The following FBN2 variants were observed in gnomAD, a reference collection of about 807,000 sequenced individuals.
FBN2 encodes fibrillin-2.
In FBN2, 105 loss-of-function variants were observed where a neutral mutation model predicts 355.6. The ratio of observed to expected loss-of-function variants is 0.30; its 90% CI spans 0.25 to 0.35. FBN2 has a LOEUF of 0.35. Ranked by LOEUF, FBN2 falls within the 10% of genes least tolerant of loss-of-function variation. The pLI is 1.00. For missense variants in FBN2, 3,280 were observed against 3,758.7 expected, an observed-to-expected ratio of 0.87 and a Z score of 3.33; for synonymous variants, 1,350 against 1,301.2, an observed-to-expected ratio of 1.04 and a Z score of -0.81.
intron 50 of FBN2, 136 bp downstream of exon 50, chr5:128,290,596 A>G: frequency 2.2e-6 from 2 of 906,812 alleles, no homozygotes; most frequent in Non-Finnish European, 3.6e-6. Flanking sequence ...TAGGTTGTTC[A>G]ATGAACCATC....
In FBN2 at chr5:128,447,469, G is replaced by A. The variant is rs78602989; in HGVS notation, c.827-863C>T. Reference sequence around the variant, plus strand: ...CCGGTCTCCCTTAGTGCTCCCAGGCGTACTATGTACCAGGATGAGGAAATT... The same window carrying A: ...CCGGTCTCCCTTAGTGCTCCCAGGCATACTATGTACCAGGATGAGGAAATT... On this transcript the variant is annotated intron_variant, in intron 6 of 64. Transcript: ENST00000262464. 4.7e-4 allele frequency among the ~76,000 whole-genome samples: 71 copies of A among 152,242 alleles called. 1 individual carries two copies. The East Asian group carries it at 0.013, about 27-fold the overall frequency.
intron 7 of FBN2, among the ~76,000 whole-genome samples, chr5:128,440,586 C>A (rs1316349462): frequency 6.6e-6 from 1 of 152,158 alleles, no homozygotes; most frequent in Non-Finnish European, 1.5e-5. Context: ...GGCCCCTCTT[C>A]CAGCATTGGG....
Position 128,372,439 on chromosome 5 carries a change from G to A in FBN2, c.2095+2189C>T, listed in dbSNP as rs545586463. ...AAGAAAAATGAACAAACAAAAAATA[G>A]ATCTAAAATTAAAATGCTTATCCTA... On this transcript the variant is annotated intron_variant, in intron 15 of 64. Transcript: ENST00000262464. Among the ~76,000 whole-genome samples the A allele has an allele frequency of 4.6e-5, 7 of 152,144 alleles. No individual in the cohort carries two copies. In the South Asian group the frequency reaches 1.5e-3, roughly 32 times the overall value.
intron 8 of FBN2, among the ~76,000 whole-genome samples, chr5:128,406,651 A>G (rs1752935414): frequency 6.6e-6 from 1 of 152,170 alleles, no homozygotes; most frequent in African/African-American, 2.4e-5. Flanking sequence ...TGCGGAGCCT[A>G]TACAGCATGG....
intron 46 of FBN2, among the ~76,000 whole-genome samples, chr5:128,302,306 C>A (rs1464929066): frequency 6.6e-6 from 1 of 152,194 alleles, no homozygotes; most frequent in East Asian, 1.9e-4. Context: ...CAGTTCCTGG[C>A]ATGCAGTAAA....
chr5:128,309,487 C>A, intron 40 of FBN2, 88 bp from the exon 41 acceptor site: 2 of 1,103,726 alleles, frequency 1.8e-6, no homozygotes, highest in African/African-American at 1.5e-5. Flanking sequence ...TCAAGCTTTC[C>A]TGATGAACAC....
chr5:128,370,654 T>C (rs1261985605), intron 15 of FBN2, among the ~76,000 whole-genome samples: 3 of 152,294 alleles, frequency 2.0e-5, no homozygotes, highest in Admixed American at 6.5e-5. Flanking sequence ...TGTGAGTTCT[T>C]TGGACATTAC....
chr5:128,370,061 T>C (rs1751889790), intron 15 of FBN2, among the ~76,000 whole-genome samples: 3 of 152,208 alleles, frequency 2.0e-5, no homozygotes, highest in African/African-American at 2.4e-5. Context: ...AGTGCCTGAG[T>C]TGGGGTTCAG....
chr5:128,319,063 TGTC>T, intron 34 of FBN2, 62 bp from the exon 35 acceptor site: 1 of 1,336,474 alleles, frequency 7.5e-7, no homozygotes, highest in Middle Eastern at 1.9e-4. Context: ...TTTAATGTAA[TGTC>T]TAACATTAGC....
chr5:128,496,625 A>G (rs190223719), intron 5 of FBN2, among the ~76,000 whole-genome samples: 1 of 152,150 alleles, frequency 6.6e-6, no homozygotes, highest in Non-Finnish European at 1.5e-5. Context: ...TGCCACTTCT[A>G]TTCAACATTT....
In FBN2 at chr5:128,335,155, T is replaced by C. The variant is rs747241582; in HGVS notation, c.3973+15A>G. On this transcript the variant is annotated intron_variant, in intron 30 of 64. Coordinates refer to ENST00000262464, the MANE Select transcript of FBN2 (RefSeq NM_001999.4). ...TGTGTGTGTATAAATGTTTATCCTT[T>C]CTTATGATACCCACCAATGCATGTT... The C allele has an allele frequency of 6.8e-6, 11 of 1,614,112 alleles. No individual in the cohort carries two copies. The South Asian group carries it at 1.2e-4, about 18-fold the overall frequency.
At chr5:128,314,124 G>T (rs1279216672) in intron 36 of FBN2, among the ~76,000 whole-genome samples, 1 of 151,944 alleles carries the variant, frequency 6.6e-6, no homozygotes, top group African/African-American at 2.4e-5. Context: ...TTCTCAATCA[G>T]AATAAAATCT....
chr5:128,311,595 A>G (rs992464848), intron 38 of FBN2, among the ~76,000 whole-genome samples, 170 bp from the exon 39 acceptor site: 1 of 152,222 alleles, frequency 6.6e-6, no homozygotes, highest in East Asian at 1.9e-4. Flanking sequence ...TGGCTTTGTC[A>G]CAGAACTTTT....
At chr5:128,414,455 G>C (rs1291414580) in intron 7 of FBN2, among the ~76,000 whole-genome samples, 2 of 152,102 alleles carry the variant, frequency 1.3e-5, no homozygotes, top group South Asian at 4.1e-4. Context: ...GCATGTATCA[G>C]CACTTCATTC....
At chr5:128,502,172 A>T (rs1755836427) in intron 5 of FBN2, among the ~76,000 whole-genome samples, 1 of 151,938 alleles carries the variant, frequency 6.6e-6, no homozygotes, top group South Asian at 2.1e-4. Context: ...AGAAATATGG[A>T]AGGAAAAAGG....
At chr5:128,382,916 G>A (rs1369530202) in intron 11 of FBN2, among the ~76,000 whole-genome samples, 3 of 152,006 alleles carry the variant, frequency 2.0e-5, no homozygotes, top group Non-Finnish European at 4.4e-5. Flanking sequence ...GAAAATAGGG[G>A]ACACTTCTGT....
At position 128,288,799 on chromosome 5, in the gene FBN2, G is replaced by C. The variant is rs536575227; in HGVS notation, c.6638-242C>G. On this transcript the variant is annotated intron_variant, in intron 52 of 64. Transcript: ENST00000262464. ...CCTAAAGATGACAAATCCAGAAGAAGAATGTGGTCCTCTGCTTCAAGAGCA... is the reference window on the plus strand; with the variant it reads ...CCTAAAGATGACAAATCCAGAAGAACAATGTGGTCCTCTGCTTCAAGAGCA... 2.0e-5 allele frequency among the ~76,000 whole-genome samples: 3 copies of C among 152,318 alleles called. No individual in the cohort carries two copies. In the South Asian group the frequency reaches 6.2e-4, roughly 32 times the overall value.
chr5:128,460,780 G>C (rs575036102), intron 6 of FBN2, among the ~76,000 whole-genome samples: 4 of 152,284 alleles, frequency 2.6e-5, no homozygotes, highest in African/African-American at 9.6e-5. Context: ...ATTAGTAAAT[G>C]GTGCTGGGAA....
intron 16 of FBN2, among the ~76,000 whole-genome samples, chr5:128,368,754 C>T (rs1040003299): frequency 6.6e-6 from 1 of 151,906 alleles, no homozygotes; most frequent in African/African-American, 2.4e-5. Flanking sequence ...ACTGCAGCCT[C>T]GAACCCTTGG....
Sources: gnomAD v4.1 joint callset for allele counts (sites outside exome capture counted in the v4.1 genomes callset) on GRCh38, gnomAD v4.1.1 for gene constraint, MANE v1.5 for transcripts, NCBI Gene and HGNC (gene_info 2026-07-23, HGNC 2026-07-21) for gene names.